Variants in SUSD6 observed in about 807,000 individuals in gnomAD.
SUSD6 encodes sushi domain containing 6.
SUSD6 carries 16 observed loss-of-function variants against 28.4 expected under a neutral mutation model. That is an observed-to-expected ratio of 0.56 (90% CI 0.38 to 0.86). The LOEUF (loss-of-function observed/expected upper bound fraction) is 0.86. SUSD6 is among the 40% of genes least tolerant of loss of function. The pLI, the probability that SUSD6 is intolerant of heterozygous loss-of-function variation, is 0.00. For missense variants in SUSD6, 341 were observed against 384.2 expected (o/e 0.89, Z 0.94); for synonymous variants, 147 against 159.6 (o/e 0.92, Z 0.59).
chr14:69,621,946 G>T (rs1466398487), intron 1 of SUSD6, among the ~76,000 whole-genome samples: 3 of 152,160 alleles, frequency 2.0e-5, no homozygotes, highest in Non-Finnish European at 4.4e-5. Context: ...TTTGGTGTTG[G>T]TATAGCTTTC....
intron 2 of SUSD6, among the ~76,000 whole-genome samples, chr14:69,678,392 T>C (rs372557286): frequency 1.3e-5 from 2 of 151,150 alleles, no homozygotes; most frequent in Admixed American, 6.6e-5. Flanking sequence ...TTGTAAATTA[T>C]ATGTTGCAAT....
chr14:69,668,410 A>C (rs1333123970), intron 2 of SUSD6, among the ~76,000 whole-genome samples: 1 of 151,966 alleles, frequency 6.6e-6, no homozygotes, highest in African/African-American at 2.4e-5. Context: ...TGAGGCGGGT[A>C]TATCATTTGA....
chr14:69,706,278 A>G (rs1886385839), intron 4 of SUSD6, among the ~76,000 whole-genome samples: 1 of 152,176 alleles, frequency 6.6e-6, no homozygotes, highest in African/African-American at 2.4e-5. Context: ...TTTCCCCCCT[A>G]TAGTTAACTT....
intron 1 of SUSD6, among the ~76,000 whole-genome samples, chr14:69,629,462 G>A (rs1028966064): frequency 6.6e-6 from 1 of 152,174 alleles, no homozygotes; most frequent in Non-Finnish European, 1.5e-5. Flanking sequence ...CACCACCTCC[G>A]TGGATTACCA....
At chr14:69,661,977 A>AT (rs1885668976) in intron 2 of SUSD6, among the ~76,000 whole-genome samples, 2 of 151,952 alleles carry the variant, frequency 1.3e-5, no homozygotes, top group South Asian at 2.1e-4. Flanking sequence ...TTAAAAAAAA[A>AT]TTTTTTATGT....
At chr14:69,694,249 C>T (rs116081296) in intron 2 of SUSD6, among the ~76,000 whole-genome samples, 1 of 152,274 alleles carries the variant, frequency 6.6e-6, no homozygotes, top group African/African-American at 2.4e-5. Context: ...GTAATGGGAA[C>T]CCAGAGGAGG....
intron 2 of SUSD6, among the ~76,000 whole-genome samples, chr14:69,680,682 A>G (rs1044073004): frequency 1.3e-5 from 2 of 151,938 alleles, no homozygotes; most frequent in Admixed American, 1.3e-4. Flanking sequence ...CAGGCATCTC[A>G]TTTTTATTTA....
chr14:69,698,867 TC>T (rs1158535885), intron 2 of SUSD6, among the ~76,000 whole-genome samples: 2 of 152,208 alleles, frequency 1.3e-5, no homozygotes, highest in African/African-American at 4.8e-5. Context: ...TGATTTTTTT[TC>T]CCCCTGTAAA....
chr14:69,622,456 C>A (rs1460897617), intron 1 of SUSD6, among the ~76,000 whole-genome samples: 1 of 152,194 alleles, frequency 6.6e-6, no homozygotes, highest in Admixed American at 6.5e-5. Flanking sequence ...GCATGAGCTA[C>A]CACCCCGGCC....
At chr14:69,697,274 A>G (rs971113664) in intron 2 of SUSD6, among the ~76,000 whole-genome samples, 8 of 152,064 alleles carry the variant, frequency 5.3e-5, no homozygotes, top group Admixed American at 3.9e-4. Flanking sequence ...TCTCTGCCCA[A>G]CCTGTTTTAT....
At chr14:69,681,586 T>C (rs1007578333) in intron 2 of SUSD6, among the ~76,000 whole-genome samples, 3 of 152,218 alleles carry the variant, frequency 2.0e-5, no homozygotes, top group Non-Finnish European at 4.4e-5. Context: ...GAGACTTTGA[T>C]TGCAGGAATC....
intron 2 of SUSD6, 60 bp downstream of exon 2, chr14:69,658,773 T>C: frequency 1.2e-6 from 2 of 1,609,654 alleles, no homozygotes; most frequent in South Asian, 2.2e-5. Context: ...ATTGTTTCTC[T>C]CGAAGACTAG....
chr14:69,702,103 C>A (rs577260987), intron 2 of SUSD6, among the ~76,000 whole-genome samples: 1 of 152,248 alleles, frequency 6.6e-6, no homozygotes, highest in African/African-American at 2.4e-5. Context: ...GTGTGACTCT[C>A]AGTCACTCCA....
intron 1 of SUSD6, among the ~76,000 whole-genome samples, chr14:69,626,867 T>G (rs78095407): frequency 2.8e-4 from 38 of 136,878 alleles, no homozygotes; most frequent in African/African-American, 1.1e-3. Flanking sequence ...AAAAAACGTG[T>G]TTTTTTTTTG....
In SUSD6 at chr14:69,704,833, A is replaced by G; in HGVS notation, c.458+91A>G. 12 of 1,401,756 alleles carry G rather than the reference A, an allele frequency of 8.6e-6. No homozygotes were observed. In the Admixed American group the frequency reaches 9.3e-5, roughly 11 times the overall value. 86.8% of individuals were successfully genotyped at this position (1,401,756 alleles called of 1,614,324 possible). On this transcript the variant is annotated intron_variant, in intron 4 of 5. Transcript: ENST00000342745. ...TGGTGGAGGGTTGCTGGTGGCCCCA[A>G]TCTCTGTGGGTCTGTGTGTGTCCAG...
At chr14:69,615,375 A>G (rs1248111093) in intron 1 of SUSD6, 1 of 152,188 alleles carries the variant, frequency 6.6e-6, no homozygotes, top group African/African-American at 2.4e-5. Flanking sequence ...GTTTCTGTGT[A>G]AGAACCTTTC....
intron 2 of SUSD6, among the ~76,000 whole-genome samples, chr14:69,683,130 G>C (rs1886022764): frequency 6.6e-6 from 1 of 152,068 alleles, no homozygotes; most frequent in African/African-American, 2.4e-5. Context: ...TTTGATGTGA[G>C]CTGAAATGCA....
intron 2 of SUSD6, among the ~76,000 whole-genome samples, chr14:69,689,191 A>G (rs144687450): frequency 1.6e-3 from 244 of 152,240 alleles, no homozygotes; most frequent in Middle Eastern, 6.8e-3. Flanking sequence ...TCCCCATTGG[A>G]TTAATCCTTC....
chr14:69,622,703 C>T (rs1885059310), intron 1 of SUSD6, among the ~76,000 whole-genome samples: 2 of 152,158 alleles, frequency 1.3e-5, no homozygotes, highest in African/African-American at 2.4e-5. Context: ...GAGCGATTCT[C>T]CTGCCTCAGC....
Sources: gnomAD v4.1 joint callset for allele counts (sites outside exome capture counted in the v4.1 genomes callset) on GRCh38, gnomAD v4.1.1 for gene constraint, MANE v1.5 for transcripts, NCBI Gene and HGNC (gene_info 2026-07-23, HGNC 2026-07-21) for gene names.